The following FAM184B variants were observed in gnomAD, a reference collection of about 807,000 sequenced individuals.
FAM184B encodes protein FAM184B.
Under a neutral mutation model 135.9 loss-of-function variants are expected in FAM184B, and 111 were observed. The observed-to-expected ratio is 0.82, with a 90% CI of 0.70 to 0.96. The LOEUF (loss-of-function observed/expected upper bound fraction) is 0.96. Ranked by LOEUF, FAM184B falls within the 40% of genes least tolerant of loss-of-function variation. FAM184B has a pLI of 0.00. For missense variants in FAM184B, 1,375 were observed against 1,323.9 expected (o/e 1.04, Z -0.60); for synonymous variants, 552 against 524.8 (o/e 1.05, Z -0.71).
At chr4:17,756,938 A>G (rs866075682) in intron 1 of FAM184B, among the ~76,000 whole-genome samples, 4 of 152,282 alleles carry the variant, frequency 2.6e-5, no homozygotes, top group Non-Finnish European at 4.4e-5. Flanking sequence ...AGAAAAATAA[A>G]AAGATGGAAT....
intron 13 of FAM184B, among the ~76,000 whole-genome samples, chr4:17,640,936 G>GT (rs1194971122): frequency 6.7e-6 from 1 of 150,158 alleles, no homozygotes; most frequent in Non-Finnish European, 1.5e-5. Flanking sequence ...TTTTTGTTTT[G>GT]TTTGTTTTGT....
chr4:17,750,767 A>T (rs1212551301), intron 1 of FAM184B, among the ~76,000 whole-genome samples: 5 of 152,168 alleles, frequency 3.3e-5, no homozygotes, highest in African/African-American at 1.2e-4. Context: ...GACCTGATAG[A>T]GCCTACCAAG....
intron 1 of FAM184B, among the ~76,000 whole-genome samples, chr4:17,721,398 A>AAAAAAAAAAAAAAAAG (rs1717524963): frequency 6.7e-6 from 1 of 149,832 alleles, no homozygotes; most frequent in African/African-American, 2.4e-5. Flanking sequence ...AAAAAAAAAA[A>AAAAAAAAAAAAAAAAG]AAAAAAAATC....
At chr4:17,723,193 A>T (rs1327353943) in intron 1 of FAM184B, among the ~76,000 whole-genome samples, 1 of 152,256 alleles carries the variant, frequency 6.6e-6, no homozygotes, top group East Asian at 1.9e-4. Context: ...CATGATAAAT[A>T]TAAACATATT....
intron 1 of FAM184B, among the ~76,000 whole-genome samples, chr4:17,751,867 A>ACACACACACACACAC (rs1491120270): frequency 5.6e-4 from 83 of 149,466 alleles, no homozygotes; most frequent in East Asian, 1.2e-3. Context: ...ACACACACAC[A>ACACACACACACACAC]AAAGAACCAG....
At chr4:17,670,438 T>C (rs964913753) in intron 7 of FAM184B, among the ~76,000 whole-genome samples, 13 of 152,262 alleles carry the variant, frequency 8.5e-5, no homozygotes, top group African/African-American at 3.1e-4. Flanking sequence ...ATGACAGTTA[T>C]TAGAGATTAA....
chr4:17,658,576 A>T lies in FAM184B; in HGVS notation c.1825-14T>A, dbSNP rs1394107166. 6.5e-7 allele frequency: 1 copy of T among 1,548,692 alleles called. No homozygotes were observed. Among genetic ancestry groups the T allele is most frequent in the South Asian group, 1.2e-5 (1 of 84,014 alleles). ...CATCTGTGAGACCTGCGCACAAGGC[A>T]TCCTGCCCTCAGTCTAAGCCCCTTG... On this transcript the variant is annotated splice_polypyrimidine_tract_variant and intron_variant, in intron 9 of 17. Coordinates refer to ENST00000265018, the MANE Select transcript of FAM184B (RefSeq NM_015688.2).
chr4:17,646,821 T>G (rs1243259646), intron 12 of FAM184B, among the ~76,000 whole-genome samples: 2 of 151,904 alleles, frequency 1.3e-5, no homozygotes, highest in African/African-American at 2.4e-5. Context: ...GGCTGGGCTG[T>G]TAGGAGGTGA....
At chr4:17,780,541 G>T (rs1020168918) in intron 1 of FAM184B, among the ~76,000 whole-genome samples, 2 of 152,078 alleles carry the variant, frequency 1.3e-5, no homozygotes, top group African/African-American at 4.8e-5. Context: ...TTCAATCAGA[G>T]CCCCCTGCAC....
intron 1 of FAM184B, among the ~76,000 whole-genome samples, chr4:17,758,879 A>G (rs1308019714): frequency 6.6e-6 from 1 of 152,192 alleles, no homozygotes; most frequent in Non-Finnish European, 1.5e-5. Flanking sequence ...GGTAAAAAAA[A>G]AAAACCAAGT....
At chr4:17,662,197 G>A (rs1461523045) in intron 8 of FAM184B, among the ~76,000 whole-genome samples, 2 of 152,106 alleles carry the variant, frequency 1.3e-5, no homozygotes, top group Non-Finnish European at 2.9e-5. Context: ...TTGTTGCTGT[G>A]TAGTATTCCA....
At chr4:17,751,421 C>A (rs1718289497) in intron 1 of FAM184B, among the ~76,000 whole-genome samples, 1 of 151,712 alleles carries the variant, frequency 6.6e-6, no homozygotes, top group African/African-American at 2.4e-5. Context: ...AAACCACTGA[C>A]ATGCTGAGGA....
chr4:17,763,215 A>C (rs1718584166), intron 1 of FAM184B, among the ~76,000 whole-genome samples: 2 of 152,094 alleles, frequency 1.3e-5, no homozygotes, highest in African/African-American at 4.8e-5. Flanking sequence ...CCTTTTGAGC[A>C]CTGGCCTCCA....
At chr4:17,653,014 G>A (rs748901923) in intron 10 of FAM184B, 31 bp from the exon 11 acceptor site, 1 of 1,550,500 alleles carries the variant, frequency 6.4e-7, no homozygotes, top group Non-Finnish European at 8.7e-7. Context: ...AAGAAGGCAT[G>A]AAAGTGGGCA....
chr4:17,713,603 C>G (rs1717337510), intron 1 of FAM184B, among the ~76,000 whole-genome samples: 1 of 152,224 alleles, frequency 6.6e-6, no homozygotes, highest in East Asian at 1.9e-4. Context: ...AGAGGATCCT[C>G]ATGGCAACCC....
At chr4:17,756,957 G>C (rs1259818153) in intron 1 of FAM184B, among the ~76,000 whole-genome samples, 2 of 152,086 alleles carry the variant, frequency 1.3e-5, no homozygotes, top group Non-Finnish European at 2.9e-5. Context: ...ATGGAATTAG[G>C]AAGTCATTAT....
intron 5 of FAM184B, among the ~76,000 whole-genome samples, chr4:17,696,203 C>T (rs1181228427): frequency 6.6e-6 from 1 of 152,156 alleles, no homozygotes; most frequent in African/African-American, 2.4e-5. Flanking sequence ...AGAAATGAAA[C>T]TTAAAGAGGT....
chr4:17,672,111 T>C (rs559583791), intron 7 of FAM184B, among the ~76,000 whole-genome samples: 1 of 152,124 alleles, frequency 6.6e-6, no homozygotes, highest in South Asian at 2.1e-4. Flanking sequence ...GATAATCAAA[T>C]TGTCAAAGGT....
intron 8 of FAM184B, among the ~76,000 whole-genome samples, chr4:17,664,131 G>C (rs1369114233): frequency 1.3e-5 from 2 of 152,160 alleles, no homozygotes; most frequent in African/African-American, 4.8e-5. Flanking sequence ...TCATCTATGA[G>C]CTAAATCTTT....
Sources: gnomAD v4.1 joint callset for allele counts (sites outside exome capture counted in the v4.1 genomes callset) on GRCh38, gnomAD v4.1.1 for gene constraint, MANE v1.5 for transcripts, NCBI Gene and HGNC (gene_info 2026-07-23, HGNC 2026-07-21) for gene names.